Variants in ATP9B observed in about 807,000 individuals in gnomAD.
ATP9B encodes the protein ATPase phospholipid transporting 9B, also known as probable phospholipid-transporting ATPase IIB.
Under a neutral mutation model 146.1 loss-of-function variants are expected in ATP9B, and 110 were observed. The ratio of observed to expected loss-of-function variants is 0.75; its 90% CI spans 0.65 to 0.88. The LOEUF is 0.88. ATP9B is among the 40% of genes least tolerant of loss of function. The pLI is 0.00. For synonymous variants in ATP9B, 604 were observed against 569.7 expected (o/e 1.06, Z -0.86); for missense variants, 1,499 against 1,496.4 (o/e 1.00, Z -0.03).
intron 2 of ATP9B, among the ~76,000 whole-genome samples, chr18:79,096,870 C>G (rs1404936193): frequency 6.6e-6 from 1 of 152,032 alleles, no homozygotes; most frequent in Non-Finnish European, 1.5e-5. Context: ...TGGTTAAAAG[C>G]TGGAGGCCGG....
At chr18:79,114,111 C>T (rs73484068) in intron 4 of ATP9B, among the ~76,000 whole-genome samples, 15 of 152,280 alleles carry the variant, frequency 9.9e-5, no homozygotes, top group African/African-American at 3.4e-4. Flanking sequence ...GCTAGGATTA[C>T]AGGCACACCT....
At chr18:79,125,900 A>G (rs1284699414) in intron 4 of ATP9B, among the ~76,000 whole-genome samples, 2 of 152,206 alleles carry the variant, frequency 1.3e-5, no homozygotes, top group African/African-American at 4.8e-5. Flanking sequence ...ATTAAGTGTA[A>G]GATTTTTATG....
At position 79,292,326 on chromosome 18, in the gene ATP9B, C is replaced by G. The variant is rs145401472; in HGVS notation, c.1412-11278C>G. Among the ~76,000 whole-genome samples the G allele has an allele frequency of 6.5e-3, 995 of 152,218 alleles. 12 individuals carry two copies. Among genetic ancestry groups the G allele is most frequent in the African/African-American group, 0.023 (958 of 41,520 alleles). Reference sequence around the variant, plus strand: ...GGAAATCCTCAGGAGTCACCCAGCCCTCTATTAATTAAAGGGGTTTGGTAA... The same window carrying G: ...GGAAATCCTCAGGAGTCACCCAGCCGTCTATTAATTAAAGGGGTTTGGTAA... On this transcript the variant is annotated intron_variant, in intron 13 of 29. Transcript: ENST00000426216.
At chr18:79,241,168 C>T (rs1599196738) in intron 11 of ATP9B, among the ~76,000 whole-genome samples, 1 of 152,166 alleles carries the variant, frequency 6.6e-6, no homozygotes, top group South Asian at 2.1e-4. Flanking sequence ...GAGTTAGTCT[C>T]ATCAAGGTAA....
intron 15 of ATP9B, among the ~76,000 whole-genome samples, chr18:79,324,435 T>G (rs896136988): frequency 4.6e-5 from 7 of 152,124 alleles, no homozygotes; most frequent in African/African-American, 1.4e-4. Context: ...CAAATTTGAT[T>G]AGTGGTTTTA....
chr18:79,098,359 A>G (rs2074986566), intron 2 of ATP9B, among the ~76,000 whole-genome samples: 1 of 147,944 alleles, frequency 6.8e-6, no homozygotes, highest in Non-Finnish European at 1.5e-5. Flanking sequence ...AAGCAATGGC[A>G]ACAAAAGCCA....
intron 13 of ATP9B, among the ~76,000 whole-genome samples, chr18:79,292,030 T>C (rs554473340): frequency 6.6e-6 from 1 of 152,344 alleles, no homozygotes. Flanking sequence ...GCATATACTC[T>C]TTTACTGGTT....
intron 5 of ATP9B, among the ~76,000 whole-genome samples, chr18:79,128,269 A>G (rs2094321793): frequency 6.6e-6 from 1 of 152,018 alleles, no homozygotes; most frequent in African/African-American, 2.4e-5. Context: ...TATGTTGGCC[A>G]GGCTGGTCTT....
At chr18:79,236,289 T>G (rs778461538) in intron 11 of ATP9B, among the ~76,000 whole-genome samples, 2 of 152,164 alleles carry the variant, frequency 1.3e-5, no homozygotes, top group Non-Finnish European at 2.9e-5. Context: ...CTGGACGTCT[T>G]GGTTTGGGAA....
chr18:79,309,416 T>C (rs1391607602), intron 15 of ATP9B, among the ~76,000 whole-genome samples: 1 of 142,034 alleles, frequency 7.0e-6, no homozygotes, highest in Non-Finnish European at 1.5e-5. Flanking sequence ...CCCCAGCAGG[T>C]AGAAGGTCAG....
intron 19 of ATP9B, chr18:79,340,368 C>T (rs1340763558): frequency 6.6e-6 from 1 of 152,172 alleles, no homozygotes; most frequent in East Asian, 1.9e-4. Context: ...CACTGCGTTT[C>T]CTGAATCCCA....
At position 79,108,426 on chromosome 18, in the gene ATP9B, A is replaced by G. The variant is rs540241246; in HGVS notation, c.294-1929A>G. 5.9e-5 allele frequency among the ~76,000 whole-genome samples: 9 copies of G among 152,318 alleles called. No individual in the cohort carries two copies. In the South Asian group the frequency reaches 1.4e-3, roughly 25 times the overall value. The stretch of plus-strand genomic sequence containing the variant: ...AATGGTGAACATACTTGTTTTGACA[A>G]TCTTAAATCACTTTAATACCACCCT... On this transcript the variant is annotated intron_variant, in intron 2 of 29. Coordinates refer to ENST00000426216, the MANE Select transcript of ATP9B (RefSeq NM_198531.5).
rs779049127 is a variant in ATP9B, at chr18:79,330,051, G to T, written c.1975G>T (p.Ala659Ser). The change falls in exon 17 of 30, where the codon GCT becomes TCT. Residue 659 changes from alanine (A) to serine (S), a missense_variant. By Grantham distance (99) the Ala-to-Ser change is moderately conservative. Coordinates refer to ENST00000426216, the MANE Select transcript of ATP9B (RefSeq NM_198531.5). ...TAEITFYMKG[A>S]DVAMSPIVQY... ...AGAAATCACATTCTACATGAAGGGC[G>T]CTGACGTGGCCATGTCTCCTATCGT... 1 of 1,614,134 alleles carries T rather than the reference G, an allele frequency of 6.2e-7. No individual in the cohort carries two copies. The highest frequency in any genetic ancestry group is 1.3e-5 in the African/African-American group (1 of 75,034).
In ATP9B at chr18:79,307,464, G is replaced by C. The variant is rs73490224; in HGVS notation, c.1773+230G>C. ...GGCCGCCACATCTCGGCACATCCCA[G>C]AACACCCAGGGCTGGTCACAGGGAA... On this transcript the variant is annotated intron_variant, in intron 15 of 29. Transcript: ENST00000426216. The C allele has an allele frequency of 5.7e-4, 327 of 570,074 alleles. 1 individual carries two copies. The highest frequency in any genetic ancestry group is 5.4e-3 in the African/African-American group (290 of 53,378). The allele number at this position is 570,074 out of a possible 1,614,324, so 35.3% of individuals were successfully genotyped here.
intron 8 of ATP9B, among the ~76,000 whole-genome samples, chr18:79,191,973 C>T (rs2095371041): frequency 6.6e-6 from 1 of 152,120 alleles, no homozygotes; most frequent in Admixed American, 6.5e-5. Flanking sequence ...TCTGTTTTAA[C>T]TGGTAGCTAA....
In ATP9B at chr18:79,069,513, G is replaced by A. The variant is rs1267569131; in HGVS notation, c.103G>A (p.Ala35Thr). 4 of 1,434,662 alleles carry A rather than the reference G, an allele frequency of 2.8e-6. No individual in the cohort carries two copies. Among genetic ancestry groups the A allele is most frequent in the Non-Finnish European group, 3.7e-6 (4 of 1,092,236 alleles). 88.9% of individuals were successfully genotyped at this position (1,434,662 alleles called of 1,614,324 possible). ...CAGCGCCGCGGGGCCCAGGCCGGGA[G>A]CCGACCGGCACAGCAGGTAACCGAG... ...YYSAAGPRPG[A>T]DRHSRYQLED... Residue 35 changes from alanine to threonine, a missense_variant, in exon 1 of 30, where the codon GCC (alanine) becomes ACC (threonine). Ala to Thr is a moderately conservative substitution (Grantham distance 58). Coordinates refer to ENST00000426216, the MANE Select transcript of ATP9B (RefSeq NM_198531.5).
At chr18:79,106,710 G>A (rs1339842830) in intron 2 of ATP9B, among the ~76,000 whole-genome samples, 2 of 152,162 alleles carry the variant, frequency 1.3e-5, no homozygotes, top group African/African-American at 4.8e-5. Flanking sequence ...TACTGGTACA[G>A]GGTTATAGAG....
chr18:79,120,015 C>T (rs978232185), intron 4 of ATP9B, among the ~76,000 whole-genome samples: 27 of 152,144 alleles, frequency 1.8e-4, no homozygotes, highest in Non-Finnish European at 8.8e-5. Flanking sequence ...TTAAAGGAAA[C>T]TATTTAAAAT....
intron 2 of ATP9B, among the ~76,000 whole-genome samples, chr18:79,098,920 T>C (rs1236968939): frequency 1.3e-5 from 2 of 152,226 alleles, no homozygotes; most frequent in Non-Finnish European, 2.9e-5. Context: ...TTTCACATTC[T>C]GTTTTGTTTG....
Sources: allele counts gnomAD v4.1 joint callset (sites outside exome capture counted in the v4.1 genomes callset), GRCh38; gene constraint gnomAD v4.1.1; transcripts MANE v1.5; gene names NCBI Gene and HGNC (gene_info 2026-07-23, HGNC 2026-07-21).